Variants in PPP3CA observed in about 807,000 individuals in gnomAD.
PPP3CA encodes the protein protein phosphatase 3 catalytic subunit alpha.
PPP3CA carries 14 observed loss-of-function variants against 66.5 expected under a neutral mutation model. The ratio of observed to expected loss-of-function variants is 0.21; its 90% CI spans 0.14 to 0.33. The LOEUF (loss-of-function observed/expected upper bound fraction) is 0.33. PPP3CA is among the 10% of genes least tolerant of loss of function. The pLI is 1.00. For synonymous variants in PPP3CA, 232 were observed against 226.2 expected, an observed-to-expected ratio of 1.03 and a Z score of -0.23; for missense variants, 317 against 639.5, an observed-to-expected ratio of 0.50 and a Z score of 5.44.
Position 101,289,882 on chromosome 4 carries a change from G to A in PPP3CA, c.58+56857C>T, listed in dbSNP as rs1019253041. Among the ~76,000 whole-genome samples, 465 of 145,496 alleles carry A rather than the reference G, an allele frequency of 3.2e-3. 2 individuals are homozygous for A. The highest frequency in any genetic ancestry group is 0.012 in the African/African-American group (444 of 35,868). Reference sequence around the variant, plus strand: ...AAAATGTCCGTGTATGTGTGTGTGTGTGTGTGTGTGTGTGTGTGTGTGTGT... The same window carrying A: ...AAAATGTCCGTGTATGTGTGTGTGTATGTGTGTGTGTGTGTGTGTGTGTGT... On this transcript the variant is annotated intron_variant, in intron 1 of 13. Transcript: ENST00000394854.
chr4:101,346,509 C>T (rs888969948), intron 1 of PPP3CA, among the ~76,000 whole-genome samples: 1 of 152,096 alleles, frequency 6.6e-6, no homozygotes, highest in African/African-American at 2.4e-5. Flanking sequence ...ACTGACGCCC[C>T]CGTCAATAAA....
At chr4:101,284,659 C>T (rs1217611095) in intron 1 of PPP3CA, among the ~76,000 whole-genome samples, 1 of 149,174 alleles carries the variant, frequency 6.7e-6, no homozygotes, top group Non-Finnish European at 1.5e-5. Context: ...ACCCCCATGT[C>T]TTTTTTTTTT....
chr4:101,338,159 T>C (rs1412795200), intron 1 of PPP3CA, among the ~76,000 whole-genome samples: 1 of 152,188 alleles, frequency 6.6e-6, no homozygotes, highest in African/African-American at 2.4e-5. Flanking sequence ...TTTGAGGAAA[T>C]CAACCTATAC....
chr4:101,172,016 AGTCATACTT>A (rs1723899546), intron 2 of PPP3CA, among the ~76,000 whole-genome samples: 1 of 152,188 alleles, frequency 6.6e-6, no homozygotes. Context: ...TTATTAAACG[AGTCATACTT>A]GTAAATGACT....
Position 101,245,379 on chromosome 4 carries a change from C to T in PPP3CA, c.59-49263G>A, listed in dbSNP as rs191132234. 3.3e-4 allele frequency among the ~76,000 whole-genome samples: 50 copies of T among 152,188 alleles called. No homozygotes were observed. In the East Asian group the frequency reaches 4.8e-3, roughly 15 times the overall value. On this transcript the variant is annotated intron_variant, in intron 1 of 13. Coordinates refer to ENST00000394854, the MANE Select transcript of PPP3CA (RefSeq NM_000944.5). Reference sequence around the variant, plus strand: ...TTTCTGATTTCTCATCTTTTTATCCCGAAGAGTACAAACAAGAATTGAATT... The same window carrying T: ...TTTCTGATTTCTCATCTTTTTATCCTGAAGAGTACAAACAAGAATTGAATT...
intron 6 of PPP3CA, among the ~76,000 whole-genome samples, chr4:101,088,324 G>A (rs1729761565): frequency 6.6e-6 from 1 of 152,062 alleles, no homozygotes; most frequent in African/African-American, 2.4e-5. Flanking sequence ...GTTGGCTCAC[G>A]CCTGTAATCC....
chr4:101,278,136 A>AAAAAAAAAT (rs1553937788), intron 1 of PPP3CA, among the ~76,000 whole-genome samples: 2 of 145,840 alleles, frequency 1.4e-5, no homozygotes, highest in African/African-American at 5.5e-5. Flanking sequence ...AAAAAAAAAA[A>AAAAAAAAAT]AAATAAAAAA....
intron 10 of PPP3CA, among the ~76,000 whole-genome samples, chr4:101,041,995 C>T (rs574059108): frequency 1.3e-5 from 2 of 152,130 alleles, no homozygotes; most frequent in South Asian, 4.2e-4. Flanking sequence ...GTGGTAACAG[C>T]AAGCTTTCAC....
At chr4:101,282,026 C>T (rs972501764) in intron 1 of PPP3CA, among the ~76,000 whole-genome samples, 2 of 152,138 alleles carry the variant, frequency 1.3e-5, no homozygotes, top group Non-Finnish European at 2.9e-5. Flanking sequence ...GATATCCCTC[C>T]ACCCCATACC....
intron 1 of PPP3CA, among the ~76,000 whole-genome samples, chr4:101,206,430 AAACTGCATTCCTTTCCTC>A (rs1007246095): frequency 4.7e-4 from 71 of 152,364 alleles, no homozygotes; most frequent in African/African-American, 1.7e-3. Context: ...AAGCTACAAC[AAACTGCATTCCTTTCCTC>A]AAAAAAGAAC....
At chr4:101,324,160 GGAAGGA>G (rs1729133449) in intron 1 of PPP3CA, among the ~76,000 whole-genome samples, 220 of 82,426 alleles carry the variant, frequency 2.7e-3, no homozygotes, top group African/African-American at 4.8e-3. Context: ...GAGGGAGGAA[GGAAGGA>G]AGGAAGGAAG....
intron 2 of PPP3CA, among the ~76,000 whole-genome samples, chr4:101,165,253 A>G (rs772768832): frequency 6.6e-6 from 1 of 152,226 alleles, no homozygotes; most frequent in Non-Finnish European, 1.5e-5. Flanking sequence ...TGGTTTAAAA[A>G]TAAGAATAAT....
intron 1 of PPP3CA, among the ~76,000 whole-genome samples, chr4:101,329,437 T>C (rs1443266554): frequency 6.6e-6 from 1 of 152,128 alleles, no homozygotes; most frequent in Non-Finnish European, 1.5e-5. Flanking sequence ...AAATGCAAAG[T>C]GAAGCAGCAA....
At chr4:101,158,025 G>A (rs1723381713) in intron 2 of PPP3CA, 2 of 152,082 alleles carry the variant, frequency 1.3e-5, no homozygotes, top group South Asian at 4.1e-4. Flanking sequence ...AATTAACACA[G>A]AGAAAGGCTA....
intron 6 of PPP3CA, among the ~76,000 whole-genome samples, chr4:101,091,246 T>C (rs889468888): frequency 6.6e-6 from 1 of 152,194 alleles, no homozygotes; most frequent in Non-Finnish European, 1.5e-5. Flanking sequence ...AAGTTAACAC[T>C]AGCTTTGGAA....
At position 101,110,673 on chromosome 4, in the gene PPP3CA, A is replaced by C. The variant is rs183947055; in HGVS notation, c.260-1595T>G. Among the ~76,000 whole-genome samples, 616 of 152,306 alleles carry C rather than the reference A, an allele frequency of 4.0e-3. 3 individuals carry two copies. Among genetic ancestry groups the C allele is most frequent in the Non-Finnish European group, 6.9e-3 (466 of 68,010 alleles). ...ATGTTTTAAAACATAGTTTATAAATAATTTTTTTATTCTTAGAGCTGAGCA... is the reference window on the plus strand; with the variant it reads ...ATGTTTTAAAACATAGTTTATAAATCATTTTTTTATTCTTAGAGCTGAGCA... On this transcript the variant is annotated intron_variant, in intron 2 of 13. Transcript: ENST00000394854.
chr4:101,029,093 G>T, intron 13 of PPP3CA, 73 bp downstream of exon 13: 1 of 1,434,740 alleles, frequency 7.0e-7, no homozygotes, highest in East Asian at 2.3e-5. Flanking sequence ...ACAAGCTACA[G>T]CAAAAAAATG....
At chr4:101,141,907 T>TA (rs950506572) in intron 2 of PPP3CA, among the ~76,000 whole-genome samples, 1 of 152,178 alleles carries the variant, frequency 6.6e-6, no homozygotes, top group African/African-American at 2.4e-5. Context: ...AACTTACACT[T>TA]ATAACACAAA....
chr4:101,292,016 A>G (rs1728042649), intron 1 of PPP3CA, among the ~76,000 whole-genome samples: 1 of 151,580 alleles, frequency 6.6e-6, no homozygotes, highest in South Asian at 2.1e-4. Flanking sequence ...AGTCTCAGCT[A>G]TTCGAGAGAC....
Sources: allele counts gnomAD v4.1 joint callset (sites outside exome capture counted in the v4.1 genomes callset), GRCh38; gene constraint gnomAD v4.1.1; transcripts MANE v1.5; gene names NCBI Gene and HGNC (gene_info 2026-07-23, HGNC 2026-07-21).